MGAT5: variants seen among roughly 807,000 people sequenced by gnomAD.
MGAT5 encodes alpha-1,6-mannosylglycoprotein 6-beta-N-acetylglucosaminyltransferase A.
A neutral mutation model predicts 94.3 loss-of-function variants in MGAT5; 30 were observed. The ratio of observed to expected loss-of-function variants is 0.32; its 90% CI spans 0.24 to 0.43. MGAT5 has a LOEUF of 0.43. Among genes scored for constraint, MGAT5 ranks in the 20% least tolerant of loss-of-function variants. The probability of loss-of-function intolerance (pLI) is 1.00; values close to 1 mark genes in which losing one functional copy is unlikely to be tolerated. For missense variants in MGAT5, 691 were observed against 905.5 expected, an observed-to-expected ratio of 0.76 and a Z score of 3.04; for synonymous variants, 310 against 322.9, an observed-to-expected ratio of 0.96 and a Z score of 0.43.
At chr2:134,171,096 G>A (rs1281421856) in intron 1 of MGAT5, among the ~76,000 whole-genome samples, 4 of 152,062 alleles carry the variant, frequency 2.6e-5, no homozygotes, top group Admixed American at 2.6e-4. Flanking sequence ...CCTGACCTCA[G>A]GTGATCTGCC....
intron 1 of MGAT5, among the ~76,000 whole-genome samples, chr2:134,181,081 A>G (rs1184585986): frequency 6.6e-6 from 1 of 152,144 alleles, no homozygotes; most frequent in Admixed American, 6.6e-5. Flanking sequence ...GAAGCCTTCC[A>G]CCCCAGAAGT....
chr2:134,320,855 A>G (rs1687271676), intron 4 of MGAT5, among the ~76,000 whole-genome samples: 1 of 151,974 alleles, frequency 6.6e-6, no homozygotes, highest in Non-Finnish European at 1.5e-5. Context: ...CTCTCAGACT[A>G]TTACTTCTTT....
At chr2:134,381,176 T>TATA (rs1681518060) in intron 10 of MGAT5, among the ~76,000 whole-genome samples, 1 of 152,166 alleles carries the variant, frequency 6.6e-6, no homozygotes, top group Non-Finnish European at 1.5e-5. Context: ...TAGCTGGGTA[T>TATA]GGTGGTGTGT....
chr2:134,435,993 T>C (rs561036600), intron 14 of MGAT5, among the ~76,000 whole-genome samples: 34 of 152,350 alleles, frequency 2.2e-4, no homozygotes, highest in Non-Finnish European at 7.3e-5. Flanking sequence ...AGGTGGATCT[T>C]GTGGATGTAG....
intron 1 of MGAT5, among the ~76,000 whole-genome samples, chr2:134,260,102 C>T (rs1344688425): frequency 6.6e-6 from 1 of 152,000 alleles, no homozygotes; most frequent in African/African-American, 2.4e-5. Flanking sequence ...AGAAGGGAGG[C>T]CACTGTAGCT....
chr2:134,316,616 G>A (rs1687013851), intron 2 of MGAT5, among the ~76,000 whole-genome samples: 1 of 152,086 alleles, frequency 6.6e-6, no homozygotes, highest in Non-Finnish European at 1.5e-5. Flanking sequence ...GGCACTTAGT[G>A]ATATGATGTT....
chr2:134,164,858 C>CAAAAAA (rs1687896378), intron 1 of MGAT5, among the ~76,000 whole-genome samples: 1 of 150,274 alleles, frequency 6.7e-6, no homozygotes. Context: ...AAAACCAAAC[C>CAAAAAA]AAACAAAGCA....
intron 1 of MGAT5, among the ~76,000 whole-genome samples, chr2:134,258,122 C>T (rs972259460): frequency 1.3e-5 from 2 of 151,990 alleles, no homozygotes; most frequent in African/African-American, 4.8e-5. Context: ...TCCAAGGCAG[C>T]AGGGCTCGGT....
rs189513685 is a variant in MGAT5 at position 134,323,571 on chromosome 2, T to C, written c.573+4832T>C. Reference sequence around the variant, plus strand: ...GCTTATCCCCAAAGTCCTGCACTTTTTGTTCCTGCTGTCTCCTTTATGATG... The same window carrying C: ...GCTTATCCCCAAAGTCCTGCACTTTCTGTTCCTGCTGTCTCCTTTATGATG... On this transcript the variant is annotated intron_variant, in intron 4 of 15. Coordinates refer to ENST00000281923, the MANE Select transcript of MGAT5 (RefSeq NM_002410.5). Among the ~76,000 whole-genome samples, 4 of 152,214 alleles carry C rather than the reference T, an allele frequency of 2.6e-5. No individual in the cohort carries two copies. The East Asian group carries it at 7.7e-4, about 29-fold the overall frequency.
intron 11 of MGAT5, among the ~76,000 whole-genome samples, chr2:134,404,548 T>C (rs2106303137): frequency 6.6e-6 from 1 of 152,318 alleles, no homozygotes; most frequent in East Asian, 1.9e-4. Flanking sequence ...AAAGCTCTGC[T>C]AGCCCCTTGA....
At chr2:134,253,729 A>G (rs1682756020), upstream of MGAT5, among the ~76,000 whole-genome samples, 1 of 152,156 alleles carries the variant, frequency 6.6e-6, no homozygotes, top group Admixed American at 6.5e-5. Flanking sequence ...ATCACTAAAC[A>G]CTGATGGTGA....
In MGAT5 at chr2:134,229,171, A is replaced by C. The variant is rs202065285; in HGVS notation, c.-142-25091A>C. Among the ~76,000 whole-genome samples the C allele has an allele frequency of 9.8e-5, 15 of 152,338 alleles. No homozygotes were observed. The East Asian group carries it at 2.9e-3, about 29-fold the overall frequency. ...AAAAAAATATCAGGAAAAATTGTGG[A>C]AGACTCAGAAATGGGCAAAACAGAT... On this transcript the variant is annotated intron_variant, in intron 1 of 16. Transcript: ENST00000409645.
chr2:134,367,557 G>A (rs1680514092), intron 10 of MGAT5, among the ~76,000 whole-genome samples: 1 of 152,174 alleles, frequency 6.6e-6, no homozygotes, highest in Non-Finnish European at 1.5e-5. Flanking sequence ...TTACTCTCTG[G>A]CCTTTTCTGG....
At chr2:134,411,300 T>C (rs1442513236) in intron 11 of MGAT5, among the ~76,000 whole-genome samples, 1 of 152,104 alleles carries the variant, frequency 6.6e-6, no homozygotes, top group Non-Finnish European at 1.5e-5. Context: ...TACCATGTTT[T>C]CCTCACCACC....
intron 10 of MGAT5, among the ~76,000 whole-genome samples, chr2:134,395,032 G>A (rs999386553): frequency 6.6e-6 from 1 of 152,222 alleles, no homozygotes; most frequent in Non-Finnish European, 1.5e-5. Context: ...AAAGCTCTTG[G>A]AGGAGTTTGC....
chr2:134,120,588 A>G (rs1685523767), intron 1 of MGAT5, among the ~76,000 whole-genome samples: 1 of 151,434 alleles, frequency 6.6e-6, no homozygotes, highest in Admixed American at 6.6e-5. Context: ...CCCCGTGACG[A>G]GGGGGCTTGT....
chr2:134,427,964 C>G (rs1466845650), intron 13 of MGAT5, among the ~76,000 whole-genome samples: 1 of 152,232 alleles, frequency 6.6e-6, no homozygotes, highest in Non-Finnish European at 1.5e-5. Context: ...CTGTGCTCAT[C>G]ACTAGAATGT....
At chr2:134,228,902 G>C (rs1357364862) in intron 1 of MGAT5, among the ~76,000 whole-genome samples, 1 of 152,100 alleles carries the variant, frequency 6.6e-6, no homozygotes, top group Admixed American at 6.5e-5. Flanking sequence ...TCCCCCACCT[G>C]GTTATTTTCA....
chr2:134,208,924 C>T (rs181271551), intron 1 of MGAT5, among the ~76,000 whole-genome samples: 2 of 152,262 alleles, frequency 1.3e-5, no homozygotes, highest in East Asian at 3.9e-4. Flanking sequence ...AGGAGATGCC[C>T]CAGTGTTGTG....
Sources: allele counts gnomAD v4.1 joint callset (sites outside exome capture counted in the v4.1 genomes callset), GRCh38; gene constraint gnomAD v4.1.1; transcripts MANE v1.5; gene names NCBI Gene and HGNC (gene_info 2026-07-23, HGNC 2026-07-21).